LARP4B: variants seen among roughly 807,000 people sequenced by gnomAD.
LARP4B encodes the protein La ribonucleoprotein 4B.
Under a neutral mutation model 89.8 loss-of-function variants are expected in LARP4B, and 12 were observed. The ratio of observed to expected loss-of-function variants is 0.13; its 90% CI spans 0.09 to 0.22. LARP4B has a LOEUF of 0.22. Among genes scored for constraint, LARP4B ranks in the 10% least tolerant of loss-of-function variants. The pLI is 1.00. For missense variants in LARP4B, 757 were observed against 947.7 expected (o/e 0.80, Z 2.64); for synonymous variants, 367 against 363.3 (o/e 1.01, Z -0.12).
the LARP4B span, among the ~76,000 whole-genome samples, chr10:964,195 T>C: frequency 6.6e-6 from 1 of 152,134 alleles, no homozygotes; most frequent in Non-Finnish European, 1.5e-5. Flanking sequence ...GCCTCCCATG[T>C]AGCTGTGATT....
At chr10:920,337 C>A (rs906485572) in intron 1 of LARP4B, among the ~76,000 whole-genome samples, 1 of 152,244 alleles carries the variant, frequency 6.6e-6, no homozygotes, top group Admixed American at 6.5e-5. Flanking sequence ...TGCAATATTA[C>A]ACTGTTTTTC....
intron 7 of LARP4B, 88 bp downstream of exon 7, chr10:842,844 G>A (rs1833591021): frequency 3.2e-6 from 4 of 1,249,074 alleles, no homozygotes; most frequent in South Asian, 2.8e-5. Flanking sequence ...GGACCTTAAC[G>A]TTTGATGGCT....
chr10:870,064 C>A (rs1338634127), intron 3 of LARP4B: 4 of 985,204 alleles, frequency 4.1e-6, no homozygotes, highest in Non-Finnish European at 4.8e-6. Context: ...CCTCTGACAC[C>A]GGTAGCTGAG....
upstream of LARP4B, among the ~76,000 whole-genome samples, chr10:933,970 C>A (rs1348239276): frequency 6.6e-6 from 1 of 151,810 alleles, no homozygotes; most frequent in East Asian, 1.9e-4. Flanking sequence ...GTAGCTGAGA[C>A]TACAGCCGCA....
At chr10:864,042 A>G (rs1394342921) in intron 4 of LARP4B, 81 bp downstream of exon 4, 2 of 1,584,232 alleles carry the variant, frequency 1.3e-6, no homozygotes, top group African/African-American at 1.3e-5. Flanking sequence ...AATGAACAAC[A>G]TCTTAAAGAC....
intron 5 of LARP4B, among the ~76,000 whole-genome samples, chr10:854,849 G>C (rs989836382): frequency 6.6e-6 from 1 of 152,152 alleles, no homozygotes; most frequent in South Asian, 2.1e-4. Context: ...AGCTATGAAA[G>C]TCCTAGATAA....
chr10:974,590 C>T, the LARP4B span, among the ~76,000 whole-genome samples: 12,558 of 152,222 alleles, frequency 0.082, 684 homozygotes, highest in Middle Eastern at 0.12. Flanking sequence ...CTGTGGCGTG[C>T]ACACTGTCAT....
chr10:858,017 G>C (rs1357204180), intron 5 of LARP4B, among the ~76,000 whole-genome samples: 2 of 152,098 alleles, frequency 1.3e-5, no homozygotes, highest in Non-Finnish European at 1.5e-5. Flanking sequence ...ACAATGCTAT[G>C]GTTAGCCTTA....
chr10:982,458 G>C, the LARP4B span, among the ~76,000 whole-genome samples: 2 of 151,944 alleles, frequency 1.3e-5, no homozygotes, highest in Admixed American at 1.3e-4. Context: ...TGGCAGAGTG[G>C]GCCAGTCAAG....
At chr10:948,162 A>C in the LARP4B span, among the ~76,000 whole-genome samples, 2 of 152,028 alleles carry the variant, frequency 1.3e-5, no homozygotes, top group Admixed American at 1.3e-4. Context: ...CAGCTCACAC[A>C]CGGTCAAAGA....
the LARP4B span, among the ~76,000 whole-genome samples, chr10:954,121 G>T: frequency 2.0e-5 from 3 of 152,224 alleles, no homozygotes; most frequent in Admixed American, 1.3e-4. The surrounding 1 kb of genome is among the most constrained non-coding windows in gnomAD (Gnocchi z 5.0). Context: ...AGGCACGCAG[G>T]CTGGATCTCC....
chr10:873,496 C>T (rs1835327303), intron 3 of LARP4B: 6 of 787,542 alleles, frequency 7.6e-6, no homozygotes, highest in Non-Finnish European at 9.2e-6. Flanking sequence ...GGTTTTTCTA[C>T]AGTGTTCCAG....
intron 14 of LARP4B, 138 bp downstream of exon 14, chr10:820,662 A>T: frequency 1.3e-6 from 1 of 766,216 alleles, no homozygotes; most frequent in Non-Finnish European, 2.1e-6. Context: ...GTCAGTTATT[A>T]CTTAGTGGAT....
At chr10:908,448 C>T (rs1451968727) in intron 1 of LARP4B, among the ~76,000 whole-genome samples, 3 of 152,098 alleles carry the variant, frequency 2.0e-5, no homozygotes, top group Non-Finnish European at 2.9e-5. Context: ...AAAGAGGGGG[C>T]CATGGGGATC....
intron 1 of LARP4B, among the ~76,000 whole-genome samples, chr10:889,370 T>TCA (rs775924561): frequency 6.6e-5 from 10 of 151,722 alleles, no homozygotes; most frequent in African/African-American, 9.7e-5. Context: ...ACAGGGCCGC[T>TCA]CACACACACA....
At chr10:860,209 G>C (rs1262781205) in intron 5 of LARP4B, among the ~76,000 whole-genome samples, 1 of 152,038 alleles carries the variant, frequency 6.6e-6, no homozygotes, top group Non-Finnish European at 1.5e-5. Flanking sequence ...AAAAAAAACA[G>C]TCTTTTTTTT....
At chr10:819,456 T>C (rs367939116) in intron 14 of LARP4B, 1 of 152,180 alleles carries the variant, frequency 6.6e-6, no homozygotes, top group East Asian at 1.9e-4. Flanking sequence ...CTCACACACT[T>C]TTACAGAAAA....
At chr10:893,265 A>G (rs1836090532) in intron 1 of LARP4B, among the ~76,000 whole-genome samples, 1 of 151,986 alleles carries the variant, frequency 6.6e-6, no homozygotes, top group South Asian at 2.1e-4. Context: ...CTTTGAGGTA[A>G]ATGTTGGTAT....
intron 1 of LARP4B, among the ~76,000 whole-genome samples, chr10:906,888 C>A (rs1836507344): frequency 6.6e-6 from 1 of 152,190 alleles, no homozygotes; most frequent in South Asian, 2.1e-4. Context: ...AACTGAATTA[C>A]CACCCAGTTT....
Sources: gnomAD v4.1 joint callset for allele counts (sites outside exome capture counted in the v4.1 genomes callset) on GRCh38, gnomAD v4.1.1 for gene constraint, Gnocchi (gnomAD v3.1) non-coding constraint, MANE v1.5 for transcripts, NCBI Gene and HGNC (gene_info 2026-07-23, HGNC 2026-07-21) for gene names.